The following TRAK1 variants were observed in gnomAD, a reference collection of about 807,000 sequenced individuals.
TRAK1 encodes trafficking kinesin protein 1.
A neutral mutation model predicts 92.1 loss-of-function variants in TRAK1; 33 were observed. The ratio of observed to expected loss-of-function variants is 0.36; its 90% CI spans 0.27 to 0.48. TRAK1 has a LOEUF of 0.48. TRAK1 is among the 20% of genes least tolerant of loss of function. The pLI is 0.99. For missense variants in TRAK1, 1,123 were observed against 1,257.9 expected, an observed-to-expected ratio of 0.89 and a Z score of 1.62; for synonymous variants, 521 against 517.3, an observed-to-expected ratio of 1.01 and a Z score of -0.10.
At chr3:42,072,888 T>G (rs1392887277) in intron 1 of TRAK1, among the ~76,000 whole-genome samples, 2 of 152,202 alleles carry the variant, frequency 1.3e-5, no homozygotes, top group African/African-American at 2.4e-5. Context: ...GGAATTTTTC[T>G]TTGAGTGACC....
At chr3:42,149,582 A>G in intron 2 of TRAK1, 3 of 1,536,118 alleles carry the variant, frequency 2.0e-6, no homozygotes, top group Non-Finnish European at 2.6e-6. Context: ...GACTGGTATT[A>G]TGAAGAATGC....
chr3:42,036,474 C>T (rs1376535317), intron 1 of TRAK1, among the ~76,000 whole-genome samples: 1 of 152,154 alleles, frequency 6.6e-6, no homozygotes, highest in Non-Finnish European at 1.5e-5. Context: ...GATAGATGGG[C>T]ATGGATTTGG....
intron 2 of TRAK1, among the ~76,000 whole-genome samples, chr3:42,166,875 C>T (rs1027667883): frequency 1.3e-5 from 2 of 152,212 alleles, no homozygotes; most frequent in Admixed American, 6.5e-5. Flanking sequence ...ACCACACAGA[C>T]ATGGGTAATG....
intron 2 of TRAK1, chr3:42,146,042 T>A: frequency 2.4e-6 from 1 of 419,602 alleles, no homozygotes; most frequent in Non-Finnish European, 4.7e-6. Context: ...CTTCAGGAAC[T>A]TTGCTAATTG....
Position 42,194,806 on chromosome 3 carries a change from G to A in TRAK1, c.978G>A (p.Leu326=). The change falls in exon 10 of 16, where the codon CTG becomes CTA. Residue 326 remains leucine, a splice_region_variant and synonymous_variant. Transcript: ENST00000327628. ...CTCTGTGTCTTTCCTGCCTGCAGCT[G>A]CGTGAGCTGGAGGACAAGTACGCAG... ...KDAQRQLTAE[L]RELEDKYAEC... The A allele has an allele frequency of 6.2e-7, 1 of 1,613,432 alleles. No individual in the cohort carries two copies. Among genetic ancestry groups the A allele is most frequent in the African/African-American group, 1.3e-5 (1 of 75,036 alleles).
At chr3:42,203,519 T>G in intron 13 of TRAK1, 1 of 977,306 alleles carries the variant, frequency 1.0e-6, no homozygotes, top group Non-Finnish European at 1.2e-6. Flanking sequence ...TTTTTTTAAT[T>G]TAGGCACTTA....
At chr3:42,165,518 G>C (rs1701750222) in intron 2 of TRAK1, among the ~76,000 whole-genome samples, 1 of 152,152 alleles carries the variant, frequency 6.6e-6, no homozygotes, top group Non-Finnish European at 1.5e-5. Flanking sequence ...GAAAGGACTG[G>C]GCCCTGTGGG....
In TRAK1 at chr3:42,188,100, C is replaced by T; in HGVS notation, c.536C>T (p.Thr179Ile). 1 of 1,614,138 alleles carries T rather than the reference C, an allele frequency of 6.2e-7. No homozygotes were observed. The highest frequency in any genetic ancestry group is 1.1e-5 in the South Asian group (1 of 91,080). ...AAGGATGAGCTGCTTCAGTTCTACA[C>T]CAGCGCTGCGGAGGAGAGTGAGCCC... ...SMKDELLQFY[T>I]SAAEESEPES... is the part of the protein sequence containing the mutation. The change falls in exon 5 of 16, where the codon ACC (threonine) becomes ATC (isoleucine). Residue 179 changes from threonine (T) to isoleucine (I), a missense_variant. Transcript: ENST00000327628.
At chr3:42,111,960 C>T (rs982448358) in intron 1 of TRAK1, among the ~76,000 whole-genome samples, 12 of 150,510 alleles carry the variant, frequency 8.0e-5, no homozygotes, top group African/African-American at 2.9e-4. Flanking sequence ...TCACACTTCC[C>T]GAGCTTCTCC....
chr3:42,221,000 C>G (rs549959757), intron 15 of TRAK1, among the ~76,000 whole-genome samples: 1 of 151,188 alleles, frequency 6.6e-6, no homozygotes, highest in East Asian at 2.0e-4. Flanking sequence ...AGGACTCAAA[C>G]CAAACACAGG....
chr3:42,149,564 A>G, intron 2 of TRAK1: 1 of 1,536,132 alleles, frequency 6.5e-7, no homozygotes, highest in Non-Finnish European at 8.7e-7. Flanking sequence ...GCGGATTATT[A>G]TGAACTAGAC....
chr3:42,117,511 C>T (rs1039889678), intron 1 of TRAK1, among the ~76,000 whole-genome samples: 3 of 151,930 alleles, frequency 2.0e-5, no homozygotes, highest in African/African-American at 7.3e-5. Flanking sequence ...GTCTTTTATT[C>T]TTCCCTCTCC....
intron 1 of TRAK1, among the ~76,000 whole-genome samples, chr3:42,027,480 G>A (rs1338304503): frequency 4.0e-5 from 6 of 151,312 alleles, no homozygotes; most frequent in South Asian, 2.1e-4. Flanking sequence ...CCCAGATCAC[G>A]CCACTGCCCT....
intron 5 of TRAK1, 81 bp downstream of exon 5, chr3:42,188,226 G>A (rs1705181279): frequency 7.4e-7 from 1 of 1,352,662 alleles, no homozygotes; most frequent in Admixed American, 1.7e-5. Context: ...ACCTAGACAG[G>A]GTCACCTTCA....
intron 1 of TRAK1, among the ~76,000 whole-genome samples, chr3:42,050,598 C>A (rs1702940660): frequency 6.6e-6 from 1 of 152,144 alleles, no homozygotes; most frequent in Admixed American, 6.5e-5. Context: ...AAAAATCTGT[C>A]AAAAATTTTC....
At chr3:42,197,467 TTCTA>T (rs1015538550) in intron 10 of TRAK1, among the ~76,000 whole-genome samples, 16 of 152,338 alleles carry the variant, frequency 1.1e-4, no homozygotes, top group African/African-American at 2.9e-4. Flanking sequence ...CCCCCAAATT[TTCTA>T]TCTAAGATTA....
At chr3:42,126,343 G>C (rs1349299334) in intron 2 of TRAK1, among the ~76,000 whole-genome samples, 1 of 152,074 alleles carries the variant, frequency 6.6e-6, no homozygotes, top group East Asian at 1.9e-4. Context: ...TTGTGTGAAA[G>C]CTCACTAAGC....
intron 1 of TRAK1, among the ~76,000 whole-genome samples, chr3:42,117,663 C>T (rs980681251): frequency 5.3e-5 from 8 of 152,146 alleles, no homozygotes; most frequent in Admixed American, 3.3e-4. Context: ...CAAGCTCCAG[C>T]GTGCAGGCAC....
upstream of TRAK1, among the ~76,000 whole-genome samples, chr3:42,013,248 C>T (rs1228620336): frequency 6.6e-6 from 1 of 152,196 alleles, no homozygotes; most frequent in African/African-American, 2.4e-5. This position sits in a 1 kb window ranked among gnomAD's most constrained non-coding sequence, Gnocchi z 5.1. Context: ...AGGAGACAGC[C>T]CGCCCTGCAG....
Sources: allele counts gnomAD v4.1 joint callset (sites outside exome capture counted in the v4.1 genomes callset), GRCh38; gene constraint gnomAD v4.1.1; non-coding constraint Gnocchi (gnomAD v3.1); transcripts MANE v1.5; gene names NCBI Gene and HGNC (gene_info 2026-07-23, HGNC 2026-07-21).